The following DTNA variants were observed in gnomAD, a reference collection of about 807,000 sequenced individuals.
DTNA encodes the protein dystrobrevin alpha.
A neutral mutation model predicts 100.7 loss-of-function variants in DTNA; 43 were observed. The ratio of observed to expected loss-of-function variants is 0.43; its 90% confidence interval spans 0.33 to 0.55. DTNA has a LOEUF of 0.55. Among genes scored for constraint, DTNA ranks in the 20% least tolerant of loss-of-function variants. The pLI, the probability that DTNA is intolerant of heterozygous loss-of-function variation, is 0.04. For missense variants in DTNA, 798 were observed against 953.9 expected (o/e 0.84, Z 2.15); for synonymous variants, 349 against 347.9 (o/e 1.00, Z -0.04).
chr18:34,581,627 T>G (rs1294253069), intron 1 of DTNA, among the ~76,000 whole-genome samples: 5 of 145,582 alleles, frequency 3.4e-5, no homozygotes, highest in African/African-American at 5.3e-5. Flanking sequence ...GTTAGTTTTT[T>G]TTTTTTTTTT....
intron 1 of DTNA, among the ~76,000 whole-genome samples, chr18:34,699,341 A>G (rs961251488): frequency 3.3e-5 from 5 of 152,184 alleles, no homozygotes; most frequent in African/African-American, 1.2e-4. Context: ...CTCAAAGACC[A>G]TAATGCAGAA....
intron 2 of DTNA, among the ~76,000 whole-genome samples, chr18:34,759,648 A>G (rs1053772272): frequency 1.3e-5 from 2 of 152,176 alleles, no homozygotes; most frequent in Non-Finnish European, 2.9e-5. Flanking sequence ...AAGGAGGCAA[A>G]TGAAACTACT....
intron 1 of DTNA, among the ~76,000 whole-genome samples, chr18:34,558,667 T>C (rs918958815): frequency 2.6e-5 from 4 of 152,202 alleles, no homozygotes; most frequent in Admixed American, 6.5e-5. Context: ...AAGAATTTTT[T>C]ACATTCAATG....
chr18:34,765,943 C>T lies in DTNA; in HGVS notation c.68-18C>T. 4 of 1,613,224 alleles carry T rather than the reference C, an allele frequency of 2.5e-6. No individual in the cohort carries two copies. Among genetic ancestry groups the T allele is most frequent in the Non-Finnish European group, 3.4e-6 (4 of 1,179,376 alleles). ...TGCACACATGGCATACCTTATGTGTCCTTTTTCCCCGCACTAGGGGCTCAA... is the reference window on the plus strand; with the variant it reads ...TGCACACATGGCATACCTTATGTGTTCTTTTTCCCCGCACTAGGGGCTCAA... On this transcript the variant is annotated intron_variant, in intron 2 of 22. Coordinates refer to ENST00000444659, the MANE Select transcript of DTNA (RefSeq NM_001386795.1).
intron 1 of DTNA, among the ~76,000 whole-genome samples, chr18:34,543,334 C>A (rs1279066752): frequency 1.3e-5 from 2 of 151,924 alleles, no homozygotes; most frequent in Non-Finnish European, 1.5e-5. Flanking sequence ...CAAAAAAATT[C>A]TAACAAAAGG....
At chr18:34,534,550 T>C (rs2145589433) in intron 1 of DTNA, among the ~76,000 whole-genome samples, 1 of 151,998 alleles carries the variant, frequency 6.6e-6, no homozygotes, top group East Asian at 2.0e-4. Context: ...TAGGTATACG[T>C]GTTCCATGGT....
intron 1 of DTNA, among the ~76,000 whole-genome samples, chr18:34,577,622 G>A (rs570903787): frequency 4.1e-3 from 624 of 152,126 alleles, no homozygotes; most frequent in Non-Finnish European, 6.6e-3. Flanking sequence ...AAAGTCCATC[G>A]TGTCATTCTT....
chr18:34,820,038 T>C (rs2095674131), intron 8 of DTNA, among the ~76,000 whole-genome samples: 1 of 150,602 alleles, frequency 6.6e-6, no homozygotes, highest in African/African-American at 2.4e-5. Flanking sequence ...CTAATGTATG[T>C]GGTAGGCTAC....
At chr18:34,718,519 G>T (rs897779908) in intron 1 of DTNA, among the ~76,000 whole-genome samples, 1 of 152,028 alleles carries the variant, frequency 6.6e-6, no homozygotes, top group Non-Finnish European at 1.5e-5. Flanking sequence ...GTATATCCAG[G>T]TTCATTTATA....
In DTNA at chr18:34,516,889, A is replaced by G. The variant is rs1016946581; in HGVS notation, c.-2+23375A>G. Among the ~76,000 whole-genome samples the G allele has an allele frequency of 5.9e-5, 9 of 152,132 alleles. 1 individual carries two copies. Among genetic ancestry groups the G allele is most frequent in the African/African-American group, 1.9e-4 (8 of 41,432 alleles). On this transcript the variant is annotated intron_variant, in intron 1 of 19. Coordinates refer to the DTNA transcript ENST00000283365. ...CTGAGGTGACATACATCCTCAGTAT[A>G]TGAAGATGATGGGATTAAGAGATTA...
At chr18:34,737,662 C>T (rs770654062) in intron 1 of DTNA, 2 of 152,222 alleles carry the variant, frequency 1.3e-5, no homozygotes, top group Non-Finnish European at 2.9e-5. Context: ...TCCGATTCAT[C>T]CTGTGTGTTT....
chr18:34,831,531 G>A (rs2149604578), intron 11 of DTNA, among the ~76,000 whole-genome samples: 1 of 152,360 alleles, frequency 6.6e-6, no homozygotes, highest in Non-Finnish European at 1.5e-5. Flanking sequence ...AATTTGGGAG[G>A]CTGAGGTGAG....
At chr18:34,512,919 A>G (rs1028812543) in intron 1 of DTNA, among the ~76,000 whole-genome samples, 7 of 152,076 alleles carry the variant, frequency 4.6e-5, no homozygotes, top group African/African-American at 1.7e-4. Context: ...AAATTAGCAA[A>G]CCAGTATAGA....
chr18:34,768,121 T>C (rs2093583411), intron 3 of DTNA, among the ~76,000 whole-genome samples: 1 of 152,182 alleles, frequency 6.6e-6, no homozygotes, highest in Middle Eastern at 3.4e-3. Context: ...AAAAGGGATA[T>C]GATTGTCCCA....
intron 1 of DTNA, among the ~76,000 whole-genome samples, chr18:34,704,893 C>T (rs1444141374): frequency 6.6e-6 from 1 of 152,158 alleles, no homozygotes; most frequent in East Asian, 1.9e-4. Context: ...CTTCCCTTTT[C>T]CCTTTAGCTG....
intron 2 of DTNA, among the ~76,000 whole-genome samples, chr18:34,760,420 A>G (rs998408520): frequency 3.9e-5 from 6 of 152,098 alleles, no homozygotes; most frequent in Admixed American, 1.3e-4. Context: ...CTTTACCTTT[A>G]TTGCTATAAC....
intron 15 of DTNA, among the ~76,000 whole-genome samples, chr18:34,854,057 G>A (rs2096523251): frequency 6.6e-6 from 1 of 152,158 alleles, no homozygotes; most frequent in African/African-American, 2.4e-5. Context: ...AGCAGGCAGA[G>A]GGCTCGAAGC....
At chr18:34,701,771 C>A (rs146605344) in intron 1 of DTNA, among the ~76,000 whole-genome samples, 1 of 152,120 alleles carries the variant, frequency 6.6e-6, no homozygotes, top group Non-Finnish European at 1.5e-5. Flanking sequence ...TATTCTCACT[C>A]GTTTTCCCAC....
At chr18:34,826,215 G>A (rs963214405) in intron 9 of DTNA, among the ~76,000 whole-genome samples, 1 of 152,048 alleles carries the variant, frequency 6.6e-6, no homozygotes, top group South Asian at 2.1e-4. Context: ...TGATGAATTT[G>A]TTATTTTTTA....
Sources: allele counts gnomAD v4.1 joint callset (sites outside exome capture counted in the v4.1 genomes callset), GRCh38; gene constraint gnomAD v4.1.1; transcripts MANE v1.5; gene names NCBI Gene and HGNC (gene_info 2026-07-23, HGNC 2026-07-21).